Variants in TCF12 observed in about 807,000 individuals in gnomAD.
TCF12 encodes the protein transcription factor 12, also known as DNA-binding protein HTF4.
Under a neutral mutation model 86.0 loss-of-function variants are expected in TCF12, and 45 were observed. That is an observed-to-expected ratio of 0.52 (90% CI 0.41 to 0.67). The LOEUF is 0.67. Among genes scored for constraint, TCF12 ranks in the 30% least tolerant of loss-of-function variants. The pLI is 0.00. For synonymous variants in TCF12, 330 were observed against 299.6 expected, an observed-to-expected ratio of 1.10 and a Z score of -1.05; for missense variants, 881 against 859.9, an observed-to-expected ratio of 1.02 and a Z score of -0.31.
intron 5 of TCF12, among the ~76,000 whole-genome samples, chr15:57,157,275 GTT>G (rs374760133): frequency 6.9e-6 from 1 of 145,830 alleles, no homozygotes; most frequent in Admixed American, 6.9e-5. Context: ...TTCATGATGG[GTT>G]TTTTTTTTTC....
chr15:57,284,462 G>A (rs1456030271), intron 20 of TCF12, among the ~76,000 whole-genome samples: 2 of 152,118 alleles, frequency 1.3e-5, no homozygotes, highest in African/African-American at 2.4e-5. Context: ...CGACCACCTC[G>A]GCTTCCCCAA....
chr15:57,267,204 C>G (rs1463065972), intron 18 of TCF12, among the ~76,000 whole-genome samples: 1 of 152,120 alleles, frequency 6.6e-6, no homozygotes, highest in Non-Finnish European at 1.5e-5. Context: ...GTAGATAAAA[C>G]TAAAAGAAGC....
chr15:57,091,199 G>A (rs1197578304), intron 4 of TCF12, among the ~76,000 whole-genome samples: 1 of 152,114 alleles, frequency 6.6e-6, no homozygotes, highest in Admixed American at 6.5e-5. Flanking sequence ...GTATTAAAAT[G>A]AGTATAAACA....
At chr15:57,098,017 A>T (rs1230425352) in intron 5 of TCF12, among the ~76,000 whole-genome samples, 2 of 148,216 alleles carry the variant, frequency 1.3e-5, no homozygotes, top group Admixed American at 6.7e-5. Flanking sequence ...TACAAAAAAA[A>T]AAAAAAAAAA....
intron 3 of TCF12, among the ~76,000 whole-genome samples, chr15:57,001,614 T>C (rs1045272009): frequency 1.3e-5 from 2 of 152,216 alleles, no homozygotes; most frequent in Non-Finnish European, 2.9e-5. Flanking sequence ...GCAGAGCACC[T>C]GTCTAGGGAT....
At chr15:56,998,756 A>G (rs1333186411) in intron 3 of TCF12, among the ~76,000 whole-genome samples, 10 of 152,216 alleles carry the variant, frequency 6.6e-5, no homozygotes, top group Admixed American at 1.3e-4. Flanking sequence ...CAAGGGAACA[A>G]TGCTCTAAGA....
At chr15:56,920,024 T>C in intron 2 of TCF12, 36 bp downstream of exon 2, 4 of 1,611,632 alleles carry the variant, frequency 2.5e-6, no homozygotes, top group Non-Finnish European at 2.5e-6. Context: ...GGGGTTCTGC[T>C]GAGGTTTTTG....
chr15:57,098,504 G>A (rs1237227280), intron 5 of TCF12, among the ~76,000 whole-genome samples: 3 of 152,068 alleles, frequency 2.0e-5, no homozygotes, highest in Non-Finnish European at 4.4e-5. Flanking sequence ...GGAAAGTACT[G>A]TATGGTAGAA....
chr15:57,272,926 A>C (rs1353015779), intron 18 of TCF12, 104 bp from the exon 19 acceptor site: 2 of 1,063,488 alleles, frequency 1.9e-6, no homozygotes, highest in East Asian at 5.2e-5. Context: ...TACAAGATTT[A>C]TAGGTGGTTT....
intron 4 of TCF12, among the ~76,000 whole-genome samples, chr15:57,065,596 C>A (rs1406188554): frequency 6.6e-5 from 10 of 151,750 alleles, no homozygotes; most frequent in African/African-American, 2.4e-4. Context: ...CCTTATATTT[C>A]TCTCTCTTTC....
intron 5 of TCF12, among the ~76,000 whole-genome samples, chr15:57,112,112 G>T (rs1445806882): frequency 1.3e-5 from 2 of 152,174 alleles, no homozygotes; most frequent in Non-Finnish European, 2.9e-5. Flanking sequence ...TCTTAAGAAG[G>T]TGGGAATGAG....
intron 7 of TCF12, among the ~76,000 whole-genome samples, chr15:57,195,515 G>C (rs2057213185): frequency 6.6e-6 from 1 of 152,192 alleles, no homozygotes. Context: ...TAAATACAGA[G>C]TGTGCCAGAT....
At chr15:57,153,000 C>G (rs1274890378) in intron 5 of TCF12, among the ~76,000 whole-genome samples, 2 of 152,166 alleles carry the variant, frequency 1.3e-5, no homozygotes, top group African/African-American at 4.8e-5. Context: ...CAGCAGACTT[C>G]TCTTCAGAAA....
intron 3 of TCF12, among the ~76,000 whole-genome samples, chr15:57,009,497 A>G (rs1482252447): frequency 2.0e-5 from 3 of 152,200 alleles, no homozygotes; most frequent in Non-Finnish European, 4.4e-5. Flanking sequence ...TATTCTGTAG[A>G]TTTATAGCCA....
intron 8 of TCF12, among the ~76,000 whole-genome samples, chr15:57,223,712 C>G (rs1234946331): frequency 1.7e-5 from 2 of 117,658 alleles, no homozygotes; most frequent in African/African-American, 6.3e-5. Context: ...ATTGTAAATA[C>G]TTATAAGACT....
At chr15:57,228,782 T>C (rs1222169872) in intron 8 of TCF12, among the ~76,000 whole-genome samples, 2 of 151,936 alleles carry the variant, frequency 1.3e-5, no homozygotes, top group African/African-American at 4.8e-5. Flanking sequence ...GCGAATTGAA[T>C]GGGAATAAGG....
Position 57,168,205 on chromosome 15 carries a change from A to C in TCF12, c.390+1739A>C, listed in dbSNP as rs1451789914. Among the ~76,000 whole-genome samples, 31 of 152,228 alleles carry C rather than the reference A, an allele frequency of 2.0e-4. 1 individual carries two copies. Among genetic ancestry groups the C allele is most frequent in the Non-Finnish European group, 1.5e-5 (1 of 68,038 alleles). On this transcript the variant is annotated intron_variant, in intron 6 of 20. Coordinates refer to ENST00000333725, the MANE Select transcript of TCF12 (RefSeq NM_207037.2). ...GCCATCAAGGAAGTATTTACACTGCACTGTGGAAATTCAAAAATGTTACAA... is the reference window on the plus strand; with the variant it reads ...GCCATCAAGGAAGTATTTACACTGCCCTGTGGAAATTCAAAAATGTTACAA...
intron 6 of TCF12, among the ~76,000 whole-genome samples, chr15:57,187,841 A>C (rs1171722313): frequency 2.0e-5 from 3 of 152,106 alleles, no homozygotes; most frequent in Non-Finnish European, 2.9e-5. Flanking sequence ...GAGGCAGGAG[A>C]ATCGCTTGAA....
At chr15:57,228,873 A>G (rs1418523803) in intron 8 of TCF12, among the ~76,000 whole-genome samples, 2 of 152,026 alleles carry the variant, frequency 1.3e-5, no homozygotes, top group Non-Finnish European at 2.9e-5. Context: ...TGACACATCA[A>G]AACTGGAGTG....
Sources: allele counts gnomAD v4.1 joint callset (sites outside exome capture counted in the v4.1 genomes callset), GRCh38; gene constraint gnomAD v4.1.1; transcripts MANE v1.5; gene names NCBI Gene and HGNC (gene_info 2026-07-23, HGNC 2026-07-21).